PRELID2: variants seen among roughly 807,000 people sequenced by gnomAD.
The protein encoded by PRELID2 is PRELI domain containing 2.
Under a neutral mutation model 28.4 loss-of-function variants are expected in PRELID2, and 25 were observed. The observed-to-expected ratio is 0.88, with a 90% CI of 0.64 to 1.23. PRELID2 has a LOEUF of 1.23. PRELID2 is among the 50% of genes most tolerant of loss of function. The pLI is 0.00. For synonymous variants in PRELID2, 76 were observed against 71.6 expected, an observed-to-expected ratio of 1.06 and a Z score of -0.31; for missense variants, 201 against 214.4, an observed-to-expected ratio of 0.94 and a Z score of 0.39.
chr5:145,444,813 G>C, the PRELID2 span, among the ~76,000 whole-genome samples: 1 of 151,956 alleles, frequency 6.6e-6, no homozygotes, highest in African/African-American at 2.4e-5. Context: ...CCAAGCATTA[G>C]ATTATGTATG....
chr5:145,322,929 C>T, the PRELID2 span, among the ~76,000 whole-genome samples: 2 of 151,922 alleles, frequency 1.3e-5, no homozygotes, highest in Non-Finnish European at 2.9e-5. Context: ...TGCAGTGAGC[C>T]GAGATCGCAC....
intron 4 of PRELID2, among the ~76,000 whole-genome samples, chr5:145,813,572 G>A (rs1754091636): frequency 6.6e-6 from 1 of 152,102 alleles, no homozygotes; most frequent in Non-Finnish European, 1.5e-5. Flanking sequence ...TGCTCAAGGT[G>A]GAGTCTACAA....
intron 1 of PRELID2, among the ~76,000 whole-genome samples, chr5:145,628,273 A>G (rs1476301131): frequency 6.6e-6 from 1 of 152,082 alleles, no homozygotes; most frequent in Non-Finnish European, 1.5e-5. Flanking sequence ...ATGTGTTTTC[A>G]TTATTGAATG....
rs185452792 is a variant in PRELID2, at chr5:145,616,339, G to A, written n.71-143024C>T. Among the ~76,000 whole-genome samples, 470 of 152,192 alleles carry A rather than the reference G, an allele frequency of 3.1e-3. 2 individuals are homozygous for A. Among genetic ancestry groups the A allele is most frequent in the African/African-American group, 0.011 (449 of 41,532 alleles). On this transcript the variant is annotated intron_variant and non_coding_transcript_variant, in intron 1 of 2. Transcript: ENST00000510259. ...AATTATTCCCCTAAATATGTTTTCC[G>A]AACTTTTAGATTGCTCTTCTGCCTC...
the PRELID2 span, among the ~76,000 whole-genome samples, chr5:145,418,219 C>G: frequency 6.6e-6 from 1 of 151,994 alleles, no homozygotes; most frequent in Non-Finnish European, 1.5e-5. Flanking sequence ...CTATAAAGCA[C>G]TTTTCAAAGA....
At chr5:145,271,371 T>C in the PRELID2 span, among the ~76,000 whole-genome samples, 1 of 151,954 alleles carries the variant, frequency 6.6e-6, no homozygotes, top group African/African-American at 2.4e-5. Context: ...ACCACAGGCA[T>C]GTATTACCAT....
chr5:145,390,587 A>G, the PRELID2 span, among the ~76,000 whole-genome samples: 6 of 152,182 alleles, frequency 3.9e-5, no homozygotes, highest in Non-Finnish European at 8.8e-5. Flanking sequence ...TATTGGAACT[A>G]CAATTCAGGA....
the PRELID2 span, among the ~76,000 whole-genome samples, chr5:145,362,174 G>A: frequency 2.6e-5 from 4 of 152,180 alleles, no homozygotes; most frequent in South Asian, 8.3e-4. Context: ...AAGAAAGGAA[G>A]GAAAGCAAGG....
the PRELID2 span, among the ~76,000 whole-genome samples, chr5:145,291,704 C>T: frequency 6.6e-6 from 1 of 152,088 alleles, no homozygotes; most frequent in East Asian, 1.9e-4. Context: ...CACCACCAAA[C>T]CCAAGGTTAC....
intron 1 of PRELID2, among the ~76,000 whole-genome samples, chr5:145,702,168 T>A (rs1755424490): frequency 6.6e-6 from 1 of 152,084 alleles, no homozygotes; most frequent in Admixed American, 6.6e-5. Context: ...TTTAATGCCA[T>A]CCCTATAAAC....
the PRELID2 span, among the ~76,000 whole-genome samples, chr5:145,350,595 C>T: frequency 6.6e-6 from 1 of 152,176 alleles, no homozygotes; most frequent in East Asian, 1.9e-4. Flanking sequence ...AGCCTTCACT[C>T]ATGATTCACT....
intron 1 of PRELID2, among the ~76,000 whole-genome samples, chr5:145,727,470 T>G (rs1756203403): frequency 6.6e-6 from 1 of 152,196 alleles, no homozygotes; most frequent in African/African-American, 2.4e-5. Context: ...CCTCAGCTTC[T>G]CCCAATACTC....
At chr5:145,326,862 T>C in the PRELID2 span, among the ~76,000 whole-genome samples, 3 of 152,108 alleles carry the variant, frequency 2.0e-5, no homozygotes, top group Non-Finnish European at 2.9e-5. Flanking sequence ...CATTAGAGTT[T>C]TAAAAATTAA....
chr5:145,810,196 G>T (rs1220341493), intron 4 of PRELID2, among the ~76,000 whole-genome samples: 2 of 152,108 alleles, frequency 1.3e-5, no homozygotes, highest in African/African-American at 2.4e-5. Context: ...TCCCACAAAA[G>T]CTGACTTTAA....
intron 1 of PRELID2, among the ~76,000 whole-genome samples, chr5:145,713,359 T>TAC (rs1755748800): frequency 6.9e-6 from 1 of 144,888 alleles, no homozygotes; most frequent in Admixed American, 7.0e-5. Flanking sequence ...TTTATATATA[T>TAC]ATATATATAT....
At chr5:145,485,249 A>T (rs775009016) in intron 1 of PRELID2, among the ~76,000 whole-genome samples, 2 of 152,238 alleles carry the variant, frequency 1.3e-5, no homozygotes, top group Non-Finnish European at 2.9e-5. Flanking sequence ...AGTGTCAGCC[A>T]CAGGACAATC....
chr5:145,817,829 A>T, intron 4 of PRELID2, 65 bp downstream of exon 4: 2 of 1,305,848 alleles, frequency 1.5e-6, no homozygotes, highest in African/African-American at 1.5e-5. Flanking sequence ...ATAGATTTTT[A>T]ATGTATGTAC....
At chr5:145,287,276 T>TA in the PRELID2 span, among the ~76,000 whole-genome samples, 331 of 152,232 alleles carry the variant, frequency 2.2e-3, 2 homozygotes, top group African/African-American at 7.7e-3. Flanking sequence ...AGTAAGAGAT[T>TA]ACAATAATTA....
the PRELID2 span, among the ~76,000 whole-genome samples, chr5:145,294,856 T>G: frequency 6.6e-6 from 1 of 152,130 alleles, no homozygotes; most frequent in Non-Finnish European, 1.5e-5. Context: ...TAAACTATAC[T>G]GGCCTCAAAA....
Sources: allele counts gnomAD v4.1 joint callset (sites outside exome capture counted in the v4.1 genomes callset), GRCh38; gene constraint gnomAD v4.1.1; transcripts MANE v1.5; gene names NCBI Gene and HGNC (gene_info 2026-07-23, HGNC 2026-07-21).